NRXN1: variants seen among roughly 807,000 people sequenced by gnomAD.
NRXN1 encodes the protein neurexin 1, also known as neurexin-1.
In NRXN1, 39 loss-of-function variants were observed where a neutral mutation model predicts 150.9. The observed-to-expected ratio is 0.26, with a 90% confidence interval of 0.20 to 0.34. NRXN1 has a LOEUF of 0.34. NRXN1 is among the 10% of genes least tolerant of loss of function. The probability of loss-of-function intolerance (pLI) is 1.00; values close to 1 mark genes in which losing one functional copy is unlikely to be tolerated. For missense variants in NRXN1, 1,815 were observed against 1,949.9 expected (o/e 0.93, Z 1.30); for synonymous variants, 924 against 757.0 (o/e 1.22, Z -3.62).
At position 50,359,359 on chromosome 2, in the gene NRXN1, GA is replaced by G. The variant is rs201462514; in HGVS notation, c.3364+106082del. Among the ~76,000 whole-genome samples, 1,391 of 151,548 alleles carry G rather than the reference GA, an allele frequency of 9.2e-3. 16 individuals carry two copies. The highest frequency in any genetic ancestry group is 0.032 in the African/African-American group (1,320 of 41,336). On this transcript the variant is annotated intron_variant, in intron 17 of 22. Transcript: ENST00000401669. Reference sequence around the variant, plus strand: ...CCAATGCAAGGAAGCTAAGAACCTTGAAAAAAAGGTAGACAAATTGCTAATT... The same window carrying G: ...CCAATGCAAGGAAGCTAAGAACCTTGAAAAAAGGTAGACAAATTGCTAATT...
In NRXN1 at chr2:50,951,942, A is replaced by AATAT. The variant is rs1165247495; in HGVS notation, c.773-25991_773-25988dup. On this transcript the variant is annotated intron_variant, in intron 2 of 22. Transcript: ENST00000401669. ...AGAGTAGCAAAACTGTACATGAATA[A>AATAT]ATATATATATATATATATATATTTT... Among the ~76,000 whole-genome samples the AATAT allele has an allele frequency of 2.8e-3, 318 of 112,740 alleles. 9 individuals are homozygous for AATAT. Among genetic ancestry groups the AATAT allele is most frequent in the African/African-American group, 8.1e-3 (228 of 28,284 alleles). 74.0% of individuals were successfully genotyped at this position (112,740 alleles called of 152,430 possible).
At chr2:49,991,186 T>C (rs1010248802) in intron 21 of NRXN1, among the ~76,000 whole-genome samples, 6 of 152,136 alleles carry the variant, frequency 3.9e-5, no homozygotes, top group African/African-American at 1.4e-4. Context: ...CAAGGATATC[T>C]CCCTTTCACC....
chr2:50,459,934 G>C (rs1478712917), intron 17 of NRXN1, among the ~76,000 whole-genome samples: 1 of 152,038 alleles, frequency 6.6e-6, no homozygotes, highest in Non-Finnish European at 1.5e-5. Context: ...CACCTGTTGT[G>C]TTGCTACAGA....
At chr2:50,702,351 G>C (rs1416082894) in intron 5 of NRXN1, among the ~76,000 whole-genome samples, 1 of 37,974 alleles carries the variant, frequency 2.6e-5, no homozygotes, top group Non-Finnish European at 4.8e-5. Context: ...TAAAAATGTT[G>C]TAATGAAAAA....
chr2:50,282,794 C>A (rs890635245), intron 17 of NRXN1, among the ~76,000 whole-genome samples: 1 of 152,068 alleles, frequency 6.6e-6, no homozygotes, highest in Admixed American at 6.5e-5. Flanking sequence ...CTAATTGGAG[C>A]AGCAAAATAA....
intron 17 of NRXN1, among the ~76,000 whole-genome samples, chr2:50,253,236 G>A (rs1233954427): frequency 6.6e-6 from 1 of 152,082 alleles, no homozygotes; most frequent in African/African-American, 2.4e-5. Flanking sequence ...GTATAGGAAT[G>A]TTTCTGATTT....
At chr2:50,973,268 T>C (rs897593189) in intron 2 of NRXN1, among the ~76,000 whole-genome samples, 2 of 152,102 alleles carry the variant, frequency 1.3e-5, no homozygotes, top group African/African-American at 4.8e-5. Context: ...AGACCGACTC[T>C]CTCAAAGACA....
chr2:50,186,858 C>A (rs939810309), intron 18 of NRXN1, among the ~76,000 whole-genome samples: 2 of 151,938 alleles, frequency 1.3e-5, no homozygotes, highest in African/African-American at 4.8e-5. Flanking sequence ...AATGACTCAA[C>A]CCAAATTATT....
At chr2:51,015,430 T>C (rs992411849) in intron 2 of NRXN1, among the ~76,000 whole-genome samples, 2 of 152,022 alleles carry the variant, frequency 1.3e-5, no homozygotes, top group African/African-American at 4.8e-5. Context: ...CAAATAAGGA[T>C]TTTGTCCAGG....
intron 5 of NRXN1, among the ~76,000 whole-genome samples, chr2:50,726,370 C>G (rs560575568): frequency 6.6e-6 from 1 of 152,140 alleles, no homozygotes; most frequent in South Asian, 2.1e-4. Flanking sequence ...ACCTTAGCTG[C>G]GCGTGGTGGC....
chr2:50,066,911 C>T lies in NRXN1; in HGVS notation c.3719-11867G>A, dbSNP rs111608976. Among the ~76,000 whole-genome samples, 32 of 152,258 alleles carry T rather than the reference C, an allele frequency of 2.1e-4. 2 individuals are homozygous for T. Among genetic ancestry groups the T allele is most frequent in the African/African-American group, 5.5e-4 (23 of 41,570 alleles). On this transcript the variant is annotated intron_variant, in intron 19 of 22. Transcript: ENST00000401669. ...CTGCTTCCTTAAACACATACACACA[C>T]GCTCATTTCTCTAAATTAAATGCGA...
intron 17 of NRXN1, among the ~76,000 whole-genome samples, chr2:50,250,641 C>G (rs2066950590): frequency 6.6e-6 from 1 of 151,828 alleles, no homozygotes; most frequent in African/African-American, 2.4e-5. Flanking sequence ...TTTCCTTTAA[C>G]AAGGAGTCAC....
chr2:50,538,509 G>A lies in NRXN1; in HGVS notation c.1887C>T (p.Thr629=), dbSNP rs200603742. ...AGTTGAGCAGAGCAGTCCACACCTC[G>A]GTGGGGAAGACAAGGCCAGCTTTAT... ...PENKAGLVFP[T]EVWTALLNYG... is the part of the protein sequence containing the mutation. Residue 629 remains threonine, a synonymous_variant, in exon 10 of 23, where the codon ACC becomes ACT. Transcript: ENST00000401669. 36 of 1,607,464 alleles carry A rather than the reference G, an allele frequency of 2.2e-5. No individual in the cohort carries two copies. The highest frequency in any genetic ancestry group is 8.0e-5 in the African/African-American group (6 of 74,866).
intron 18 of NRXN1, among the ~76,000 whole-genome samples, chr2:50,207,020 C>A (rs2062644418): frequency 6.6e-6 from 1 of 151,862 alleles, no homozygotes; most frequent in Non-Finnish European, 1.5e-5. Flanking sequence ...TTAAAAACAG[C>A]TGCTCTTCTA....
chr2:50,280,108 C>G (rs2071217285), intron 17 of NRXN1, among the ~76,000 whole-genome samples: 1 of 151,896 alleles, frequency 6.6e-6, no homozygotes, highest in African/African-American at 2.4e-5. Context: ...GAGCCCTCGT[C>G]TCTACTAAAA....
intron 18 of NRXN1, among the ~76,000 whole-genome samples, chr2:50,175,440 G>C (rs114672766): frequency 6.6e-6 from 1 of 152,122 alleles, no homozygotes; most frequent in African/African-American, 2.4e-5. Flanking sequence ...TCCCAAATCT[G>C]TTAATAACTA....
intron 5 of NRXN1, among the ~76,000 whole-genome samples, chr2:50,800,985 T>G (rs1050414444): frequency 1.3e-5 from 2 of 152,222 alleles, no homozygotes; most frequent in East Asian, 1.9e-4. Flanking sequence ...TACGCAAGCA[T>G]AACTTCAGAA....
At chr2:50,633,121 T>A (rs1293372834) in intron 5 of NRXN1, 1 of 152,104 alleles carries the variant, frequency 6.6e-6, no homozygotes, top group Non-Finnish European at 1.5e-5. Context: ...TCCCTAGAAA[T>A]GTCTTTGTTC....
chr2:50,276,969 T>A (rs779029205), intron 17 of NRXN1, among the ~76,000 whole-genome samples: 4 of 152,200 alleles, frequency 2.6e-5, no homozygotes, highest in Admixed American at 6.5e-5. Flanking sequence ...TCTCATTTCA[T>A]GTAAGCATCA....
Sources: gnomAD v4.1 joint callset for allele counts (sites outside exome capture counted in the v4.1 genomes callset) on GRCh38, gnomAD v4.1.1 for gene constraint, MANE v1.5 for transcripts, NCBI Gene and HGNC (gene_info 2026-07-23, HGNC 2026-07-21) for gene names.